Variants in CCDC192 observed in about 807,000 individuals in gnomAD.
CCDC192 encodes the protein coiled-coil domain-containing protein 192.
chr5:127,905,540 C>A (rs898398975), intron 6 of CCDC192, among the ~76,000 whole-genome samples: 3 of 152,136 alleles, frequency 2.0e-5, no homozygotes, highest in African/African-American at 7.2e-5. Context: ...ATGTCAAGTT[C>A]ACAATTTATG....
chr5:127,800,394 AAAAAAAAC>A (rs1335975542), intron 5 of CCDC192, among the ~76,000 whole-genome samples: 11 of 138,340 alleles, frequency 8.0e-5, no homozygotes, highest in Admixed American at 2.2e-4. Context: ...AAAAAAAAAA[AAAAAAAAC>A]AACAACAACA....
intron 2 of CCDC192, among the ~76,000 whole-genome samples, chr5:127,747,734 G>A (rs1753863252): frequency 1.3e-5 from 2 of 150,028 alleles, no homozygotes; most frequent in African/African-American, 2.5e-5. Flanking sequence ...CAGTGTAAAA[G>A]TGTTCCTATT....
chr5:127,856,096 ATCTTCTTCCAGTTGAAGGCTGTG>A (rs1751078648), intron 5 of CCDC192, among the ~76,000 whole-genome samples: 1 of 152,212 alleles, frequency 6.6e-6, no homozygotes, highest in African/African-American at 2.4e-5. Flanking sequence ...CCTAGATGGC[ATCTTCTTCCAGTTGAAGGCTGTG>A]TTGTCACCAT....
chr5:127,756,017 C>T (rs1276524324), intron 3 of CCDC192, among the ~76,000 whole-genome samples: 1 of 151,878 alleles, frequency 6.6e-6, no homozygotes, highest in African/African-American at 2.4e-5. Context: ...CCTGTAGTCC[C>T]AGGTACTCGG....
chr5:127,891,445 T>C (rs1213634639), intron 6 of CCDC192, among the ~76,000 whole-genome samples: 3 of 152,146 alleles, frequency 2.0e-5, no homozygotes, highest in Non-Finnish European at 4.4e-5. Context: ...ATCTAAATTC[T>C]TGCTTCTTCA....
chr5:127,780,683 T>C (rs1294530173), intron 3 of CCDC192, among the ~76,000 whole-genome samples: 1 of 152,196 alleles, frequency 6.6e-6, no homozygotes, highest in Non-Finnish European at 1.5e-5. Flanking sequence ...TGTTTTTTTC[T>C]TGCTGATTTG....
intron 3 of CCDC192, among the ~76,000 whole-genome samples, chr5:127,755,274 C>T (rs1471446537): frequency 2.0e-5 from 3 of 152,124 alleles, no homozygotes; most frequent in Admixed American, 1.3e-4. Flanking sequence ...AAGGTAGTCT[C>T]CCTGTATAGT....
intron 3 of CCDC192, among the ~76,000 whole-genome samples, chr5:127,782,880 G>A (rs1488231070): frequency 6.6e-6 from 1 of 151,726 alleles, no homozygotes; most frequent in Admixed American, 6.6e-5. Flanking sequence ...TGTTCCACTA[G>A]TTCCTTGAGG....
chr5:127,725,024 G>GA (rs1477134437), intron 2 of CCDC192, among the ~76,000 whole-genome samples: 1 of 151,896 alleles, frequency 6.6e-6, no homozygotes, highest in African/African-American at 2.4e-5. Context: ...AGGCATAATA[G>GA]AAAAACTGAT....
intron 6 of CCDC192, among the ~76,000 whole-genome samples, chr5:127,933,599 T>C (rs1199821750): frequency 6.6e-6 from 1 of 152,226 alleles, no homozygotes; most frequent in African/African-American, 2.4e-5. Context: ...CACTAAACCA[T>C]AAACAAGTCC....
chr5:127,792,917 G>T (rs1016871774), intron 3 of CCDC192, among the ~76,000 whole-genome samples: 1 of 152,070 alleles, frequency 6.6e-6, no homozygotes, highest in African/African-American at 2.4e-5. Context: ...CACTAGAAGG[G>T]TTCAATAGCA....
rs1223496970 is a variant in CCDC192 at position 127,781,576 on chromosome 5, C to CTTTTTTTTTT, written c.223-15520_223-15511dup. 1.6e-5 allele frequency among the ~76,000 whole-genome samples: 2 copies of CTTTTTTTTTT among 124,168 alleles called. 1 individual carries two copies. Among genetic ancestry groups the CTTTTTTTTTT allele is most frequent in the African/African-American group, 5.9e-5 (2 of 33,960 alleles). The allele number at this position is 124,168 out of a possible 152,430, so 81.5% of individuals were successfully genotyped here. ...TGGTTATGTATATTCCTAAGTATTCCTTTTTTTTTTTTTTTTGCAGCTATG... is the reference window on the plus strand; with the variant it reads ...TGGTTATGTATATTCCTAAGTATTCCTTTTTTTTTTTTTTTTTTTTTTTTTTGCAGCTATG... On this transcript the variant is annotated intron_variant, in intron 3 of 6. Transcript: ENST00000514853.
intron 5 of CCDC192, among the ~76,000 whole-genome samples, chr5:127,817,575 G>A (rs1336109276): frequency 6.6e-6 from 1 of 152,188 alleles, no homozygotes; most frequent in Non-Finnish European, 1.5e-5. Context: ...GATTGAAAAT[G>A]TCCAGAATAG....
chr5:127,773,643 G>A (rs1443225135), intron 3 of CCDC192, among the ~76,000 whole-genome samples: 2 of 152,130 alleles, frequency 1.3e-5, no homozygotes, highest in Non-Finnish European at 2.9e-5. Flanking sequence ...ATATTCCATT[G>A]TGTGTACATA....
At chr5:127,745,987 C>T (rs568460715) in intron 2 of CCDC192, among the ~76,000 whole-genome samples, 4 of 152,174 alleles carry the variant, frequency 2.6e-5, no homozygotes, top group African/African-American at 9.7e-5. Flanking sequence ...TATGTGTTTA[C>T]TTATTTTTGA....
intron 3 of CCDC192, among the ~76,000 whole-genome samples, chr5:127,754,728 C>T (rs1754478462): frequency 1.3e-5 from 2 of 152,148 alleles, no homozygotes; most frequent in South Asian, 4.1e-4. Context: ...GCATTATAAA[C>T]AGATAAGCTC....
chr5:127,808,334 T>G (rs1757905901), intron 5 of CCDC192, among the ~76,000 whole-genome samples: 1 of 152,154 alleles, frequency 6.6e-6, no homozygotes, highest in Admixed American at 6.6e-5. Context: ...TCTACCTTTT[T>G]TTTCAAGCTA....
chr5:127,754,277 CT>C lies in CCDC192; in HGVS notation c.125del (p.Leu42ArgfsTer20), dbSNP rs1431387413. On this transcript the variant is annotated frameshift_variant, in exon 3 of 7. Coordinates refer to ENST00000514853, the MANE Select transcript of CCDC192 (RefSeq NM_001317938.2). LOFTEE classifies it high-confidence loss of function. ...TTTTTTTTTTTTAAAGAAAGCGTCC[CT>C]GGATACTGGACAGATGGCGTTTACC... is the stretch of plus-strand genomic sequence containing the variant. ...PQENKVSKAS[L>X]DTGQMAFTLA... is the part of the protein sequence containing the mutation. 1 of 398,144 alleles carries C rather than the reference CT, an allele frequency of 2.5e-6. No homozygotes were observed. Among genetic ancestry groups the C allele is most frequent in the East Asian group, 3.6e-5 (1 of 28,062 alleles). The allele number at this position is 398,144 out of a possible 1,614,324, so 24.7% of individuals were successfully genotyped here. A position where few individuals can be genotyped will look rare whatever the true frequency, so the allele number is the denominator to read the frequency against.
intron 3 of CCDC192, chr5:127,786,908 G>T: frequency 2.4e-6 from 1 of 421,100 alleles, no homozygotes; most frequent in Non-Finnish European, 4.6e-6. Flanking sequence ...CATGAGTGTG[G>T]AGCTCCATGT....
Sources: allele counts gnomAD v4.1 joint callset (sites outside exome capture counted in the v4.1 genomes callset), GRCh38; gene constraint gnomAD v4.1.1; transcripts MANE v1.5; gene names NCBI Gene and HGNC (gene_info 2026-07-23, HGNC 2026-07-21).